The following PTPRCAP variants were observed in gnomAD, a reference collection of about 807,000 sequenced individuals.
The protein encoded by PTPRCAP is protein tyrosine phosphatase receptor type C associated protein.
For missense variants in PTPRCAP, 294 were observed against 285.5 expected (o/e 1.03, Z -0.22); for synonymous variants, 136 against 135.8 (o/e 1.00, Z -0.01).
rs183445083 is a variant in PTPRCAP, at chr11:67,437,412, G to A, written c.3+205C>T. 2.6e-4 allele frequency: 125 copies of A among 475,692 alleles called. No homozygotes were observed. The South Asian group carries it at 3.9e-3, about 15-fold the overall frequency. The allele number at this position is 475,692 out of a possible 1,614,324, so 29.5% of individuals were successfully genotyped here. On this transcript the variant is annotated intron_variant, in intron 1 of 1. Coordinates refer to ENST00000326294, the MANE Select transcript of PTPRCAP (RefSeq NM_005608.3). ...AGGGCTCCTGACAGGGGCCTGGTCC[G>A]GTATGGGGTGCTGGGGGCCAGGCCT...
At chr11:67,436,675 C>T in intron 1 of PTPRCAP, 1 of 293,726 alleles carries the variant, frequency 3.4e-6, no homozygotes, top group Non-Finnish European at 6.3e-6. Context: ...GCATGGCCTG[C>T]TCACCGTGCT....
intron 1 of PTPRCAP, 174 bp from the exon 2 acceptor site, chr11:67,436,524 T>TC (rs1864284510): frequency 1.5e-6 from 1 of 683,730 alleles, no homozygotes; most frequent in African/African-American, 1.9e-5. Flanking sequence ...CCCTGTGAGA[T>TC]CAGCCCCCAT....
Position 67,437,656 on chromosome 11 carries a change from C to T in PTPRCAP, c.-37G>A, listed in dbSNP as rs1423383443. The T allele has an allele frequency of 1.7e-5, 23 of 1,359,024 alleles. No individual in the cohort carries two copies. The highest frequency in any genetic ancestry group is 1.9e-5 in the Non-Finnish European group (20 of 1,047,202). 84.2% of individuals were successfully genotyped at this position (1,359,024 alleles called of 1,614,324 possible). ...CCCCTCCGTGCCGGGCACCCACCTCCAGCTCTGGCTGTGTCGAGCGAGAAG... is the reference window on the plus strand; with the variant it reads ...CCCCTCCGTGCCGGGCACCCACCTCTAGCTCTGGCTGTGTCGAGCGAGAAG... On this transcript the variant is annotated 5_prime_UTR_variant, in exon 1 of 2. Transcript: ENST00000326294.
In PTPRCAP at chr11:67,436,356, G is replaced by C; in HGVS notation, c.4-6C>G. On this transcript the variant is annotated splice_region_variant and splice_polypyrimidine_tract_variant and intron_variant, in intron 1 of 1. Transcript: ENST00000326294. ...CCTAAGGTGCAGGGCAGAGCCTGTG[G>C]GAGACAGGCAGGGGCTCAGAGGGCT... 1 of 1,450,922 alleles carries C rather than the reference G, an allele frequency of 6.9e-7. No individual in the cohort carries two copies. The highest frequency in any genetic ancestry group is 9.1e-7 in the Non-Finnish European group (1 of 1,103,032). 89.9% of individuals were successfully genotyped at this position (1,450,922 alleles called of 1,614,324 possible). A position where few individuals can be genotyped will look rare whatever the true frequency, so the allele number is the denominator to read the frequency against.
chr11:67,436,723 C>G (rs547296305), intron 1 of PTPRCAP: 3 of 226,288 alleles, frequency 1.3e-5, no homozygotes, highest in African/African-American at 6.9e-5. Flanking sequence ...TGACCTTAAC[C>G]TCTACCCTGA....
intron 1 of PTPRCAP, 183 bp downstream of exon 1, chr11:67,437,434 G>T: frequency 1.6e-6 from 1 of 619,510 alleles, no homozygotes; most frequent in Non-Finnish European, 2.4e-6. Context: ...TGGGGGCCAG[G>T]CCTGGAGTCC....
At chr11:67,436,599 C>T in intron 1 of PTPRCAP, 1 of 420,078 alleles carries the variant, frequency 2.4e-6, no homozygotes, top group Non-Finnish European at 4.2e-6. Context: ...TGCCTGGGGC[C>T]TTCGCACTGG....
At position 67,437,621 on chromosome 11, in the gene PTPRCAP, G is replaced by T; in HGVS notation, c.-2C>A. 1 of 1,365,588 alleles carries T rather than the reference G, an allele frequency of 7.3e-7. No individual in the cohort carries two copies. Among genetic ancestry groups the T allele is most frequent in the South Asian group, 2.1e-5 (1 of 47,226 alleles). The allele number at this position is 1,365,588 out of a possible 1,614,324, so 84.6% of individuals were successfully genotyped here. ...CCGGGGGGCTCCGAGGCTTACCATT[G>T]GTCCGCAGGCCCCTCCGTGCCGGGC... On this transcript the variant is annotated 5_prime_UTR_variant, in exon 1 of 2. Coordinates refer to ENST00000326294, the MANE Select transcript of PTPRCAP (RefSeq NM_005608.3).
chr11:67,436,250 G>A lies in PTPRCAP; in HGVS notation c.104C>T (p.Thr35Ile). ...GAGCAGCAGCAGCAGCAGGACAACG[G>A]TGACAGAGCTGGAGCCCACGCTGTC... is the stretch of plus-strand genomic sequence containing the variant. Reference protein sequence around the residue: ...AEDSVGSSSVTVVLLLLLLLL... With the variant: ...AEDSVGSSSVIVVLLLLLLLL... Residue 35 changes from threonine to isoleucine, a missense_variant, in exon 2 of 2, where the codon ACC (threonine) becomes ATC (isoleucine). Thr to Ile is a moderately conservative substitution (Grantham distance 89). Transcript: ENST00000326294. 1.3e-6 allele frequency: 2 copies of A among 1,545,470 alleles called. No homozygotes were observed. Among genetic ancestry groups the A allele is most frequent in the South Asian group, 1.2e-5 (1 of 84,392 alleles).
At chr11:67,436,556 A>C in intron 1 of PTPRCAP, 1 of 495,082 alleles carries the variant, frequency 2.0e-6, no homozygotes, top group Non-Finnish European at 3.3e-6. Context: ...CCTCCCTACC[A>C]CTCACCTCCC....
chr11:67,436,313 G>C lies in PTPRCAP; in HGVS notation c.41C>G (p.Ala14Gly). 1 of 1,518,018 alleles carries C rather than the reference G, an allele frequency of 6.6e-7. No homozygotes were observed. The highest frequency in any genetic ancestry group is 8.8e-7 in the Non-Finnish European group (1 of 1,135,448). 94.0% of individuals were successfully genotyped at this position (1,518,018 alleles called of 1,614,324 possible). A position where few individuals can be genotyped will look rare whatever the true frequency, so the allele number is the denominator to read the frequency against. The change falls in exon 2 of 2, where the codon GCC becomes GGC. Residue 14 changes from alanine (A) to glycine (G), a missense_variant. Ala to Gly is a moderately conservative substitution (Grantham distance 60). Transcript: ENST00000326294. ...ACCCGAGCCCAAGGCCCCTGGCAGG[G>C]CCAGCAGCATCCCGAGCCCTAAGGT... The part of the protein sequence containing the change: ...PCTLGLGMLL[A>G]LPGALGSGGS...
intron 1 of PTPRCAP, 71 bp from the exon 2 acceptor site, chr11:67,436,421 G>T: frequency 5.7e-6 from 8 of 1,409,832 alleles, no homozygotes; most frequent in South Asian, 1.5e-5. Context: ...CAGGCTGGGT[G>T]ACCAAGACCA....
In PTPRCAP at chr11:67,436,200, G is replaced by C. The variant is rs1313871784; in HGVS notation, c.154C>G (p.Leu52Val). 2 of 1,552,302 alleles carry C rather than the reference G, an allele frequency of 1.3e-6. No individual in the cohort carries two copies. The highest frequency in any genetic ancestry group is 1.9e-5 in the Admixed American group (1 of 51,540). The stretch of plus-strand genomic sequence containing the variant: ...TCACGGCTGAGGCGGCGCCAGGCCA[G>C]TGCTAGGCCAGTGGCCAGCAGTAGG... ...LLLLLATGLA[L>V]AWRRLSRDSG... is the part of the protein sequence containing the mutation. The change falls in exon 2 of 2, where the codon CTG becomes GTG. Residue 52 changes from leucine (L) to valine (V), a missense_variant. Physicochemically the swap from Leu to Val is conservative, Grantham distance 32. Transcript: ENST00000326294.
At chr11:67,436,408 G>A (rs1266371023) in intron 1 of PTPRCAP, 58 bp from the exon 2 acceptor site, 1 of 1,420,074 alleles carries the variant, frequency 7.0e-7, no homozygotes, top group Non-Finnish European at 9.2e-7. Context: ...GCCTGGTGTG[G>A]GGCAGGCTGG....
At chr11:67,436,558 T>C in intron 1 of PTPRCAP, 1 of 497,856 alleles carries the variant, frequency 2.0e-6, no homozygotes, top group Non-Finnish European at 3.3e-6. Context: ...TCCCTACCAC[T>C]CACCTCCCCC....
Position 67,436,279 on chromosome 11 carries a change from C to T in PTPRCAP, c.75G>A (p.Ala25=), listed in dbSNP as rs369295572. Residue 25 remains alanine, a synonymous_variant, in exon 2 of 2, where the codon GCG becomes GCA. Coordinates refer to ENST00000326294, the MANE Select transcript of PTPRCAP (RefSeq NM_005608.3). ...LPGALGSGGS[A]EDSVGSSSVT... is the part of the protein sequence containing the mutation. ...CAGAGCTGGAGCCCACGCTGTCCTC[C>T]GCGCTGCCACCCGAGCCCAAGGCCC... The T allele has an allele frequency of 1.5e-5, 23 of 1,538,020 alleles. No homozygotes were observed. The highest frequency in any genetic ancestry group is 1.2e-4 in the African/African-American group (9 of 73,064).
intron 1 of PTPRCAP, chr11:67,436,855 C>T (rs1297687246): frequency 6.5e-6 from 1 of 154,600 alleles, no homozygotes; most frequent in Non-Finnish European, 1.4e-5. Flanking sequence ...CTACCCCCCA[C>T]AATAAGCTGC....
rs2135132842 is a variant in PTPRCAP, at chr11:67,435,583, C to T, written c.*150G>A. ...TGGGGGGGGCCGTTCCCGTGGTGAG[C>T]GGGGTACACATGGACTTGGGAACTG... On this transcript the variant is annotated 3_prime_UTR_variant, in exon 2 of 2. Coordinates refer to ENST00000326294, the MANE Select transcript of PTPRCAP (RefSeq NM_005608.3). 9 of 1,212,282 alleles carry T rather than the reference C, an allele frequency of 7.4e-6. No homozygotes were observed. The highest frequency in any genetic ancestry group is 2.7e-4 in the Middle Eastern group (1 of 3,718). The allele number at this position is 1,212,282 out of a possible 1,614,324, so 75.1% of individuals were successfully genotyped here. A position where few individuals can be genotyped will look rare whatever the true frequency, so the allele number is the denominator to read the frequency against.
chr11:67,436,131 A>G lies in PTPRCAP; in HGVS notation c.223T>C (p.Trp75Arg). ...CAGAGCAGGCGCCGCGTGCGGCCCC[A>G]CAGCGCGGCACCTAGGCGGGCCGGG... is the stretch of plus-strand genomic sequence containing the variant. The part of the protein sequence containing the change: ...YHPARLGAAL[W>R]GRTRRLLWAS... The change falls in exon 2 of 2, where the codon TGG (tryptophan) becomes CGG (arginine). Residue 75 changes from tryptophan (W) to arginine (R), a missense_variant. Coordinates refer to ENST00000326294, the MANE Select transcript of PTPRCAP (RefSeq NM_005608.3). 1 of 1,585,556 alleles carries G rather than the reference A, an allele frequency of 6.3e-7. No homozygotes were observed. Among genetic ancestry groups the G allele is most frequent in the Non-Finnish European group, 8.6e-7 (1 of 1,165,752 alleles).
Sources: allele counts gnomAD v4.1 joint callset, GRCh38; gene constraint gnomAD v4.1.1; transcripts MANE v1.5; gene names NCBI Gene and HGNC (gene_info 2026-07-23, HGNC 2026-07-21).